The following FAM13A variants were observed in gnomAD, a reference collection of about 807,000 sequenced individuals.
The protein encoded by FAM13A is protein FAM13A.
Under a neutral mutation model 129.6 loss-of-function variants are expected in FAM13A, and 76 were observed. That is an observed-to-expected ratio of 0.59 (90% CI 0.49 to 0.71). FAM13A has a LOEUF of 0.71. Among genes scored for constraint, FAM13A ranks in the 30% least tolerant of loss-of-function variants. The pLI, the probability that FAM13A is intolerant of heterozygous loss-of-function variation, is 0.00. For missense variants in FAM13A, 1,108 were observed against 1,249.3 expected (o/e 0.89, Z 1.70); for synonymous variants, 443 against 449.9 (o/e 0.98, Z 0.20).
intron 5 of FAM13A, among the ~76,000 whole-genome samples, chr4:88,911,490 T>G (rs1749082061): frequency 6.6e-6 from 1 of 152,214 alleles, no homozygotes; most frequent in East Asian, 1.9e-4. Context: ...TTTCTTTCCA[T>G]TCTTGCTTAA....
intron 2 of FAM13A, among the ~76,000 whole-genome samples, chr4:89,024,151 AAAACAGAATATGCCATTAG>A (rs753349026): frequency 6.6e-6 from 1 of 152,236 alleles, no homozygotes; most frequent in Non-Finnish European, 1.5e-5. Flanking sequence ...ATGAATATTA[AAAACAGAATATGCCATTAG>A]AAACAGAATA....
At chr4:88,993,081 G>A (rs1235074998) in intron 3 of FAM13A, among the ~76,000 whole-genome samples, 4 of 152,158 alleles carry the variant, frequency 2.6e-5, no homozygotes, top group African/African-American at 9.7e-5. Context: ...TCAGAATGAA[G>A]GCTCAAGTCA....
rs189984588 is a variant in FAM13A, at chr4:88,807,080, T to C, written c.1008-2028A>G. 2.6e-4 allele frequency among the ~76,000 whole-genome samples: 40 copies of C among 152,312 alleles called. No individual in the cohort carries two copies. The South Asian group carries it at 5.0e-3, about 19-fold the overall frequency. On this transcript the variant is annotated intron_variant, in intron 7 of 23. Transcript: ENST00000264344. ...GTAAAATTAGTACTACATACTTTCT[T>C]TGCCCAGAACAGATCCTTTACTCTA...
chr4:88,774,955 G>A (rs1293044032), intron 11 of FAM13A, among the ~76,000 whole-genome samples: 1 of 152,080 alleles, frequency 6.6e-6, no homozygotes, highest in East Asian at 1.9e-4. Flanking sequence ...TATTCTCTGG[G>A]GTGAACTGCA....
chr4:88,961,050 A>G (rs1005049525), intron 4 of FAM13A, among the ~76,000 whole-genome samples: 1 of 152,200 alleles, frequency 6.6e-6, no homozygotes, highest in Non-Finnish European at 1.5e-5. Context: ...TTTTTAAGCC[A>G]CGATTTAGAA....
intron 8 of FAM13A, among the ~76,000 whole-genome samples, chr4:88,799,950 T>C (rs1382532321): frequency 6.6e-6 from 1 of 152,236 alleles, no homozygotes; most frequent in Non-Finnish European, 1.5e-5. Context: ...AGTATATACA[T>C]AGATGGAAAT....
At position 88,826,068 on chromosome 4, in the gene FAM13A, G is replaced by A. The variant is rs1732931691; in HGVS notation, c.1008-21016C>T. Among the ~76,000 whole-genome samples, 3 of 152,094 alleles carry A rather than the reference G, an allele frequency of 2.0e-5. No homozygotes were observed. In the South Asian group the frequency reaches 6.2e-4, roughly 31 times the overall value. Reference sequence around the variant, plus strand: ...TCTAACATCCTCTTGTCAGTGCATAGTCAGGGAGTGGGAGTGCCATTCATG... The same window carrying A: ...TCTAACATCCTCTTGTCAGTGCATAATCAGGGAGTGGGAGTGCCATTCATG... On this transcript the variant is annotated intron_variant, in intron 7 of 23. Coordinates refer to ENST00000264344, the MANE Select transcript of FAM13A (RefSeq NM_014883.4).
chr4:88,891,623 A>G (rs1479706913), intron 6 of FAM13A, among the ~76,000 whole-genome samples: 3 of 152,222 alleles, frequency 2.0e-5, no homozygotes, highest in South Asian at 2.1e-4. Flanking sequence ...GAACTGGTTT[A>G]TTCCAGTGAT....
chr4:88,796,815 A>G (rs559131778), intron 8 of FAM13A, among the ~76,000 whole-genome samples: 1 of 151,454 alleles, frequency 6.6e-6, no homozygotes, highest in Admixed American at 6.6e-5. Flanking sequence ...TGTACTTTCT[A>G]ATTTGGGAAC....
Position 88,732,100 on chromosome 4 carries a change from G to A in FAM13A, c.2745C>T (p.Phe915=), listed in dbSNP as rs747822523. The A allele has an allele frequency of 4.7e-5, 76 of 1,613,644 alleles. No individual in the cohort carries two copies. The highest frequency in any genetic ancestry group is 8.9e-5 in the East Asian group (4 of 44,868). Residue 915 remains phenylalanine, a synonymous_variant, in exon 22 of 24, where the codon TTC becomes TTT. Transcript: ENST00000264344. Reference sequence around the variant, plus strand: ...AAATAAATCCATCAGCGTCATCTTCGAATTGGTCCAGAAAGCATCGTGCAC... The same window carrying A: ...AAATAAATCCATCAGCGTCATCTTCAAATTGGTCCAGAAAGCATCGTGCAC... ...DFSARCFLDQ[F]EDDADGFISP... is the part of the protein sequence containing the mutation.
intron 6 of FAM13A, among the ~76,000 whole-genome samples, chr4:88,865,298 AT>A (rs1377471906): frequency 1.3e-5 from 2 of 152,240 alleles, no homozygotes; most frequent in Non-Finnish European, 2.9e-5. Context: ...AATTAAAGGA[AT>A]TTTAAGCATA....
intron 13 of FAM13A, among the ~76,000 whole-genome samples, chr4:88,767,050 T>C (rs574440010): frequency 1.7e-4 from 26 of 152,266 alleles, no homozygotes; most frequent in Admixed American, 1.6e-3. Context: ...TAAATGAAAC[T>C]TGAAGATACA....
chr4:88,854,868 T>A (rs36072012), intron 6 of FAM13A, among the ~76,000 whole-genome samples: 2 of 152,206 alleles, frequency 1.3e-5, no homozygotes, highest in South Asian at 4.1e-4. Context: ...TAGAAAACAT[T>A]CTCTTAAATC....
rs574290704 is a variant in FAM13A, at chr4:88,874,261, T to C, written c.844-23078A>G. 2.6e-5 allele frequency among the ~76,000 whole-genome samples: 4 copies of C among 152,196 alleles called. No homozygotes were observed. In the East Asian group the frequency reaches 5.8e-4, roughly 22 times the overall value. ...GGGATGCCCTCTCTCACCACTCCTA[T>C]TCAATATAGGGTTGGAAGTTCTGGC... On this transcript the variant is annotated intron_variant, in intron 6 of 23. Coordinates refer to ENST00000264344, the MANE Select transcript of FAM13A (RefSeq NM_014883.4).
rs745711965 is a variant in FAM13A at position 88,760,603 on chromosome 4, CAAAAAAAAAAAAAAAAAA to C, written c.1579-1720_1579-1703del. Among the ~76,000 whole-genome samples, 2 of 65,820 alleles carry C rather than the reference CAAAAAAAAAAAAAAAAAA, an allele frequency of 3.0e-5. 1 individual carries two copies. The highest frequency in any genetic ancestry group is 5.2e-5 in the Non-Finnish European group (2 of 38,576). The allele number at this position is 65,820 out of a possible 152,430, so 43.2% of individuals were successfully genotyped here. On this transcript the variant is annotated intron_variant, in intron 13 of 23. Coordinates refer to ENST00000264344, the MANE Select transcript of FAM13A (RefSeq NM_014883.4). ...TGGGCGACAGAGCGAGACTCCGTCT[CAAAAAAAAAAAAAAAAAA>C]AAAAAAAAAAAGAAATGCCAAGTAT...
intron 8 of FAM13A, among the ~76,000 whole-genome samples, chr4:88,797,610 G>A (rs1010988477): frequency 6.6e-6 from 1 of 152,054 alleles, no homozygotes; most frequent in Non-Finnish European, 1.5e-5. Context: ...CATTCCAGAA[G>A]GGCGTCTCCA....
chr4:88,826,237 C>G (rs1190216905), intron 7 of FAM13A, among the ~76,000 whole-genome samples: 1 of 151,428 alleles, frequency 6.6e-6, no homozygotes, highest in Non-Finnish European at 1.5e-5. Context: ...TTTCACTTAG[C>G]TCTCTGTTCA....
chr4:88,827,345 T>C (rs1013354201), intron 7 of FAM13A, among the ~76,000 whole-genome samples: 2 of 152,172 alleles, frequency 1.3e-5, no homozygotes, highest in Non-Finnish European at 2.9e-5. Flanking sequence ...ATTCAATAAA[T>C]TGGGCGCTGC....
chr4:88,805,027 A>T lies in FAM13A; in HGVS notation c.1033T>A (p.Ser345Thr), dbSNP rs1164073350. Residue 345 changes from serine to threonine, a missense_variant, in exon 8 of 24, where the codon TCA (serine) becomes ACA (threonine). By Grantham distance (58) the Ser-to-Thr change is moderately conservative. Coordinates refer to ENST00000264344, the MANE Select transcript of FAM13A (RefSeq NM_014883.4). Reference protein sequence around the residue: ...PSSQEDERPLSPFYLSAHVPQ... With the variant: ...PSSQEDERPLTPFYLSAHVPQ... Reference sequence around the variant, plus strand: ...AATAAATACCTCAAATAGAAAGGTGACAGAGGTCTTTCATCTTCCTGTGAA... The same window carrying T: ...AATAAATACCTCAAATAGAAAGGTGTCAGAGGTCTTTCATCTTCCTGTGAA... The T allele has an allele frequency of 1.3e-6, 2 of 1,557,032 alleles. No individual in the cohort carries two copies. Among genetic ancestry groups the T allele is most frequent in the Admixed American group, 1.7e-5 (1 of 59,212 alleles).
Sources: allele counts gnomAD v4.1 joint callset (sites outside exome capture counted in the v4.1 genomes callset), GRCh38; gene constraint gnomAD v4.1.1; transcripts MANE v1.5; gene names NCBI Gene and HGNC (gene_info 2026-07-23, HGNC 2026-07-21).